Variants in CDCP1 observed in about 807,000 individuals in gnomAD.
CDCP1 encodes CUB domain containing protein 1.
In CDCP1, 29 loss-of-function variants were observed where a neutral mutation model predicts 60.2. The observed-to-expected ratio is 0.48, with a 90% CI of 0.36 to 0.66. The LOEUF (loss-of-function observed/expected upper bound fraction) is 0.66. Ranked by LOEUF, CDCP1 falls within the 30% of genes least tolerant of loss-of-function variation. CDCP1 has a pLI of 0.00. For missense variants in CDCP1, 876 were observed against 1,074.3 expected, an observed-to-expected ratio of 0.82 and a Z score of 2.58; for synonymous variants, 387 against 431.1, an observed-to-expected ratio of 0.90 and a Z score of 1.27.
intron 1 of CDCP1, among the ~76,000 whole-genome samples, chr3:45,129,194 G>A (rs1285026891): frequency 6.6e-6 from 1 of 152,168 alleles, no homozygotes; most frequent in Non-Finnish European, 1.5e-5. Flanking sequence ...TGCCATATGA[G>A]AGAGGTGGCC....
chr3:45,104,456 T>C (rs1016061260), intron 4 of CDCP1, among the ~76,000 whole-genome samples: 2 of 152,230 alleles, frequency 1.3e-5, no homozygotes, highest in African/African-American at 4.8e-5. Flanking sequence ...GGTGGAAATG[T>C]GCAGCCCTTA....
intron 1 of CDCP1, 102 bp downstream of exon 1, chr3:45,146,104 C>A: frequency 9.1e-7 from 1 of 1,097,592 alleles, no homozygotes; most frequent in Non-Finnish European, 1.3e-6. Flanking sequence ...GCACCCTCCG[C>A]ACCCTCCGCA....
Position 45,091,663 on chromosome 3 carries a change from T to C in CDCP1, c.1628-125A>G. The C allele has an allele frequency of 2.5e-6, 3 of 1,199,828 alleles. No individual in the cohort carries two copies. 74.3% of individuals were successfully genotyped at this position (1,199,828 alleles called of 1,614,324 possible). ...CGCTGTCTAACCGAACTTTCTGCGA[T>C]GATGGAAATCTTCTAGATCTGCACC... On this transcript the variant is annotated intron_variant, in intron 6 of 8. Transcript: ENST00000296129. The surrounding 1 kb of genome is among the most constrained non-coding windows in gnomAD (Gnocchi z 4.8).
chr3:45,094,511 T>C (rs1247880855), intron 5 of CDCP1, among the ~76,000 whole-genome samples: 1 of 152,202 alleles, frequency 6.6e-6, no homozygotes, highest in African/African-American at 2.4e-5. Flanking sequence ...TCTGCCTGCC[T>C]CGGCCTCCCA....
At position 45,085,535 on chromosome 3, in the gene CDCP1, T is replaced by C; in HGVS notation, c.*103A>G. The C allele has an allele frequency of 8.1e-7, 1 of 1,237,500 alleles. No individual in the cohort carries two copies. The highest frequency in any genetic ancestry group is 1.5e-5 in the South Asian group (1 of 68,200). The allele number at this position is 1,237,500 out of a possible 1,614,324, so 76.7% of individuals were successfully genotyped here. A position where few individuals can be genotyped will look rare whatever the true frequency, so the allele number is the denominator to read the frequency against. On this transcript the variant is annotated 3_prime_UTR_variant, in exon 9 of 9. Coordinates refer to ENST00000296129, the MANE Select transcript of CDCP1 (RefSeq NM_022842.5). This position sits in a 1 kb window ranked among gnomAD's most constrained non-coding sequence, Gnocchi z 4.2. ...GTCCAGGAAAACCTCCTGCTGTTCC[T>C]TCTGTATAATTCCTCTTCTTTAGGA...
chr3:45,098,458 G>A (rs542534175), intron 4 of CDCP1, among the ~76,000 whole-genome samples: 8 of 152,272 alleles, frequency 5.3e-5, no homozygotes, highest in African/African-American at 1.7e-4. Flanking sequence ...GATAACCGCA[G>A]TAAAACATGC....
chr3:45,128,011 A>T (rs563909209), intron 1 of CDCP1, among the ~76,000 whole-genome samples: 1 of 152,302 alleles, frequency 6.6e-6, no homozygotes, highest in African/African-American at 2.4e-5. Flanking sequence ...CCAACTGAAG[A>T]TACTGTGCCA....
intron 1 of CDCP1, among the ~76,000 whole-genome samples, chr3:45,124,829 AC>A (rs1158441416): frequency 5.3e-5 from 8 of 152,228 alleles, no homozygotes; most frequent in African/African-American, 1.9e-4. Context: ...GCAAGTTTAT[AC>A]CCTACCTCAT....
chr3:45,142,189 A>G (rs1476482279), intron 1 of CDCP1, among the ~76,000 whole-genome samples: 2 of 152,024 alleles, frequency 1.3e-5, no homozygotes, highest in East Asian at 1.9e-4. Context: ...GGTCCCCCAC[A>G]TCAGTGGTCT....
intron 8 of CDCP1, among the ~76,000 whole-genome samples, chr3:45,088,287 A>G (rs1339657916): frequency 6.6e-6 from 1 of 151,606 alleles, no homozygotes; most frequent in Non-Finnish European, 1.5e-5. Context: ...TTTAAGACCA[A>G]TCTGGCCAAT....
chr3:45,098,502 A>G (rs1288866824), intron 4 of CDCP1, among the ~76,000 whole-genome samples: 1 of 152,074 alleles, frequency 6.6e-6, no homozygotes, highest in Non-Finnish European at 1.5e-5. Flanking sequence ...ACTCCGTTCC[A>G]TTGCTGCCTA....
At chr3:45,124,960 C>A (rs1698952652) in intron 1 of CDCP1, among the ~76,000 whole-genome samples, 1 of 152,146 alleles carries the variant, frequency 6.6e-6, no homozygotes, top group South Asian at 2.1e-4. Flanking sequence ...GTTCATTAGA[C>A]CCAAATAGTA....
chr3:45,108,063 A>T (rs569593348), intron 4 of CDCP1, among the ~76,000 whole-genome samples: 4 of 151,834 alleles, frequency 2.6e-5, no homozygotes, highest in Non-Finnish European at 5.9e-5. Flanking sequence ...GGTTACAGTG[A>T]GCTGAGAGCC....
intron 3 of CDCP1, among the ~76,000 whole-genome samples, chr3:45,111,370 C>T (rs1296484724): frequency 2.6e-5 from 4 of 152,084 alleles, no homozygotes; most frequent in African/African-American, 9.7e-5. Context: ...CACAAAATGC[C>T]TGAACACTTA....
chr3:45,125,536 T>C (rs984597820), intron 1 of CDCP1, among the ~76,000 whole-genome samples: 21 of 152,232 alleles, frequency 1.4e-4, no homozygotes, highest in African/African-American at 4.8e-4. Context: ...CTTAGAATGG[T>C]GCCAGGTAGT....
chr3:45,107,447 C>T (rs1031608637), intron 4 of CDCP1, among the ~76,000 whole-genome samples: 10 of 151,994 alleles, frequency 6.6e-5, no homozygotes, highest in African/African-American at 2.4e-4. Context: ...ACCTTATAAT[C>T]TTCCCACCTC....
rs924417601 is a variant in CDCP1 at position 45,087,936 on chromosome 3, C to T, written c.2081+1118G>A. On this transcript the variant is annotated intron_variant, in intron 8 of 8. Transcript: ENST00000296129. The stretch of plus-strand genomic sequence containing the variant: ...ACTCGGGAGGCTGAGGCAGGGGAAT[C>T]GCTTGAACCCGGGAGGCGGAGGTTG... 4.6e-5 allele frequency among the ~76,000 whole-genome samples: 7 copies of T among 151,694 alleles called. No individual in the cohort carries two copies. In the East Asian group the frequency reaches 5.9e-4, roughly 13 times the overall value.
intron 1 of CDCP1, among the ~76,000 whole-genome samples, chr3:45,133,911 C>T (rs182385751): frequency 4.6e-5 from 7 of 152,232 alleles, no homozygotes; most frequent in Non-Finnish European, 7.4e-5. Context: ...TCACCACCTC[C>T]GTCACTGCCT....
At chr3:45,118,348 AC>A in intron 2 of CDCP1, 63 bp downstream of exon 2, 1 of 1,171,700 alleles carries the variant, frequency 8.5e-7, no homozygotes, top group Non-Finnish European at 1.3e-6. Context: ...CATGGGAAAG[AC>A]AGTCAGGGAG....
Sources: gnomAD v4.1 joint callset for allele counts (sites outside exome capture counted in the v4.1 genomes callset) on GRCh38, gnomAD v4.1.1 for gene constraint, Gnocchi (gnomAD v3.1) non-coding constraint, MANE v1.5 for transcripts, NCBI Gene and HGNC (gene_info 2026-07-23, HGNC 2026-07-21) for gene names.